ZNF254: variants seen among roughly 807,000 people sequenced by gnomAD.
ZNF254 encodes the protein zinc finger protein 254.
In ZNF254, 10 loss-of-function variants were observed where a neutral mutation model predicts 12.4. That is an observed-to-expected ratio of 0.80 (90% CI 0.50 to 1.36). ZNF254 has a LOEUF of 1.36. Among genes scored for constraint, ZNF254 ranks in the 40% most tolerant of loss-of-function variants. The pLI, the probability that ZNF254 is intolerant of heterozygous loss-of-function variation, is 0.00. For missense variants in ZNF254, 996 were observed against 763.9 expected (o/e 1.30, Z -3.58); for synonymous variants, 305 against 253.4 (o/e 1.20, Z -1.93).
At chr19:24,126,050 TA>T (rs1974811913) in intron 3 of ZNF254, among the ~76,000 whole-genome samples, 1 of 152,192 alleles carries the variant, frequency 6.6e-6, no homozygotes, top group African/African-American at 2.4e-5. Flanking sequence ...TGCACACACT[TA>T]AATCATTTAT....
chr19:24,100,825 A>T (rs547605020), intron 1 of ZNF254, among the ~76,000 whole-genome samples: 1 of 141,836 alleles, frequency 7.1e-6, no homozygotes, highest in South Asian at 2.2e-4. Context: ...ATGTTGTGTC[A>T]GCTTTTTTTT....
chr19:24,106,595 A>G lies in ZNF254; in HGVS notation c.205A>G (p.Lys69Glu). Residue 69 changes from lysine (K) to glutamate (E), a missense_variant, in exon 3 of 4, where the codon AAA becomes GAA. Physicochemically the swap from Lys to Glu is moderately conservative, Grantham distance 56 (BLOSUM62 1). Transcript: ENST00000357002. ...PDLITCLEQG[K>E]EPWNMKRHEM... ...CCTGATCACCTGTCTGGAACAAGGG[A>G]AAGAGCCCTGGAATATGAAGCGACA... 6.3e-7 allele frequency: 1 copy of G among 1,585,510 alleles called. No individual in the cohort carries two copies. The highest frequency in any genetic ancestry group is 1.3e-5 in the African/African-American group (1 of 74,302).
At chr19:24,123,699 C>T (rs1458774350) in intron 3 of ZNF254, among the ~76,000 whole-genome samples, 2 of 151,740 alleles carry the variant, frequency 1.3e-5, no homozygotes, top group Non-Finnish European at 2.9e-5. Context: ...TTTTTGATGT[C>T]CTTTGTTTCT....
At chr19:24,033,675 C>A in intron 1 of ZNF254, 1 of 316,592 alleles carries the variant, frequency 3.2e-6, no homozygotes, top group Admixed American at 3.9e-5. Flanking sequence ...GTGAAACCGG[C>A]GGGACTGCCT....
At chr19:24,038,938 G>A (rs1488794169) in intron 1 of ZNF254, among the ~76,000 whole-genome samples, 1 of 152,182 alleles carries the variant, frequency 6.6e-6, no homozygotes, top group South Asian at 2.1e-4. Flanking sequence ...GTAAGCCTGA[G>A]AATCTAAACA....
At chr19:24,091,870 C>G in intron 1 of ZNF254, 1 of 973,870 alleles carries the variant, frequency 1.0e-6, no homozygotes, top group Non-Finnish European at 1.2e-6. Context: ...AGAAGTGTTC[C>G]TATGTGATTA....
At chr19:24,041,937 A>G (rs1970182709) in intron 1 of ZNF254, among the ~76,000 whole-genome samples, 3 of 152,104 alleles carry the variant, frequency 2.0e-5, no homozygotes, top group African/African-American at 7.2e-5. Flanking sequence ...TATCTAGCTC[A>G]GGGATTGTAA....
At chr19:24,099,802 A>C (rs1374255296) in intron 1 of ZNF254, among the ~76,000 whole-genome samples, 1 of 152,172 alleles carries the variant, frequency 6.6e-6, no homozygotes, top group Non-Finnish European at 1.5e-5. Flanking sequence ...ACTGTAATAC[A>C]TGTGATATTC....
At chr19:24,116,215 T>C (rs1439076837) in intron 3 of ZNF254, among the ~76,000 whole-genome samples, 1 of 151,876 alleles carries the variant, frequency 6.6e-6, no homozygotes, top group Admixed American at 6.6e-5. Flanking sequence ...TGGCGTTCTC[T>C]GTATTTCCTG....
At chr19:24,116,808 T>C (rs1474383507) in intron 3 of ZNF254, among the ~76,000 whole-genome samples, 5 of 152,134 alleles carry the variant, frequency 3.3e-5, no homozygotes, top group Admixed American at 1.3e-4. Flanking sequence ...TGCTGTTTTT[T>C]CCCCATCTTT....
At chr19:24,096,334 C>T (rs1479310113) in intron 1 of ZNF254, among the ~76,000 whole-genome samples, 1 of 152,102 alleles carries the variant, frequency 6.6e-6, no homozygotes, top group Non-Finnish European at 1.5e-5. Flanking sequence ...GCTGGGATTA[C>T]AGGTATGAGC....
intron 2 of ZNF254, among the ~76,000 whole-genome samples, chr19:24,048,687 T>C (rs574104487): frequency 1.3e-5 from 2 of 149,024 alleles, no homozygotes; most frequent in African/African-American, 4.9e-5. Flanking sequence ...TTTGTTGGTT[T>C]TTGTTTTTTG....
chr19:24,116,620 A>AG (rs146562681), intron 3 of ZNF254, among the ~76,000 whole-genome samples: 7 of 151,974 alleles, frequency 4.6e-5, no homozygotes, highest in South Asian at 2.1e-4. Flanking sequence ...AAAGTTTTTA[A>AG]CTTCTTTGCC....
upstream of ZNF254, among the ~76,000 whole-genome samples, chr19:24,083,621 C>G (rs1403434236): frequency 6.6e-6 from 1 of 152,010 alleles, no homozygotes; most frequent in Non-Finnish European, 1.5e-5. Context: ...TTTGGCAAAG[C>G]GTAGATGACC....
intron 1 of ZNF254, chr19:24,099,027 T>C (rs1198458902): frequency 1.5e-5 from 2 of 134,578 alleles, no homozygotes; most frequent in African/African-American, 5.9e-5. Flanking sequence ...GAGACAGTCT[T>C]GCCCTGTCTC....
At chr19:24,039,558 G>A (rs1229925301) in intron 1 of ZNF254, among the ~76,000 whole-genome samples, 1 of 152,170 alleles carries the variant, frequency 6.6e-6, no homozygotes, top group African/African-American at 2.4e-5. Flanking sequence ...CCAAGTAGCT[G>A]GGATTACAGG....
intron 3 of ZNF254, among the ~76,000 whole-genome samples, chr19:24,121,166 A>G (rs1020921677): frequency 2.6e-5 from 4 of 151,988 alleles, no homozygotes; most frequent in Admixed American, 1.3e-4. Flanking sequence ...TCTTGGTTAC[A>G]ATTTTTGTTT....
rs570001131 is a variant in ZNF254 at position 24,116,545 on chromosome 19, A to G, written c.254-9709A>G. ...TTCTCAAGCCTTGGCTTTCAGCTCC[A>G]TCAGCTCCTTTAAGCACTTCTCTAT... On this transcript the variant is annotated intron_variant, in intron 3 of 3. Transcript: ENST00000357002. Among the ~76,000 whole-genome samples the G allele has an allele frequency of 7.2e-5, 11 of 152,214 alleles. No individual in the cohort carries two copies. In the South Asian group the frequency reaches 1.0e-3, roughly 14 times the overall value.
chr19:24,126,537 G>T lies in ZNF254; in HGVS notation c.537G>T (p.Lys179Asn), dbSNP rs962897302. ...GACCTAAGATAAGACATACTGAAAA[G>T]AAATCTTTCAAATGTAAAAAACGTG... ...SNRPKIRHTE[K>N]KSFKCKKRVK... The change falls in exon 4 of 4, where the codon AAG becomes AAT. Residue 179 changes from lysine (K) to asparagine (N), a missense_variant. Lys to Asn is a moderately conservative substitution (Grantham distance 94). Transcript: ENST00000357002. The T allele has an allele frequency of 1.9e-6, 3 of 1,600,988 alleles. No individual in the cohort carries two copies. Among genetic ancestry groups the T allele is most frequent in the African/African-American group, 1.4e-5 (1 of 73,986 alleles).
Sources: allele counts gnomAD v4.1 joint callset (sites outside exome capture counted in the v4.1 genomes callset), GRCh38; gene constraint gnomAD v4.1.1; transcripts MANE v1.5; gene names NCBI Gene and HGNC (gene_info 2026-07-23, HGNC 2026-07-21).